RBFOX1: variants seen among roughly 807,000 people sequenced by gnomAD.
The protein encoded by RBFOX1 is RNA binding fox-1 homolog 1.
Under a neutral mutation model 57.7 loss-of-function variants are expected in RBFOX1, and 8 were observed. That is an observed-to-expected ratio of 0.14 (90% CI 0.08 to 0.25). RBFOX1 has a LOEUF of 0.25. Among genes scored for constraint, RBFOX1 ranks in the 10% least tolerant of loss-of-function variants. RBFOX1 has a pLI of 1.00. For synonymous variants in RBFOX1, 326 were observed against 222.4 expected, an observed-to-expected ratio of 1.47 and a Z score of -4.15; for missense variants, 611 against 548.5, an observed-to-expected ratio of 1.11 and a Z score of -1.14.
intron 2 of RBFOX1, among the ~76,000 whole-genome samples, chr16:6,613,427 G>A (rs970518599): frequency 6.6e-6 from 1 of 152,104 alleles, no homozygotes; most frequent in African/African-American, 2.4e-5. Flanking sequence ...ACGGTGTGGT[G>A]TTTAGTACGT....
intron 4 of RBFOX1, among the ~76,000 whole-genome samples, chr16:7,181,559 C>T (rs945407369): frequency 3.3e-5 from 5 of 151,688 alleles, no homozygotes; most frequent in African/African-American, 1.2e-4. Context: ...TCTCATCTCT[C>T]TTTCTCTCTT....
intron 3 of RBFOX1, among the ~76,000 whole-genome samples, chr16:6,815,664 G>C (rs1336912017): frequency 1.3e-5 from 2 of 152,050 alleles, no homozygotes; most frequent in Non-Finnish European, 2.9e-5. Flanking sequence ...CGCCTTACCA[G>C]GGCCAGGATT....
chr16:6,803,511 A>G (rs553215703), intron 3 of RBFOX1, among the ~76,000 whole-genome samples: 4 of 152,338 alleles, frequency 2.6e-5, no homozygotes, highest in Admixed American at 6.5e-5. Context: ...TCTGTGTATA[A>G]TCTAGATTTC....
At chr16:5,523,869 C>T (rs987703678) in intron 2 of RBFOX1, among the ~76,000 whole-genome samples, 1 of 152,164 alleles carries the variant, frequency 6.6e-6, no homozygotes, top group Non-Finnish European at 1.5e-5. Flanking sequence ...CTTGGGGCAG[C>T]ATGGAGGGGC....
intron 3 of RBFOX1, chr16:6,874,087 A>G (rs553582554): frequency 2.0e-5 from 3 of 152,344 alleles, no homozygotes; most frequent in African/African-American, 7.2e-5. Flanking sequence ...TTGCACATGC[A>G]TGTTTATAGC....
Position 7,161,785 on chromosome 16 carries a change from A to G in RBFOX1, c.27+109687A>G, listed in dbSNP as rs368671997. On this transcript the variant is annotated intron_variant, in intron 4 of 15. Transcript: ENST00000550418. ...ATACAAACCAACATTTATAGAGGTG[A>G]TTTCAGCACAAGCACTGGATGTTTA... Among the ~76,000 whole-genome samples the G allele has an allele frequency of 1.8e-4, 27 of 152,326 alleles. No homozygotes were observed. The East Asian group carries it at 1.9e-3, about 11-fold the overall frequency.
At chr16:5,272,209 G>A (rs2063028654) in intron 1 of RBFOX1, among the ~76,000 whole-genome samples, 1 of 152,026 alleles carries the variant, frequency 6.6e-6, no homozygotes, top group African/African-American at 2.4e-5. Context: ...TAACTAAGAG[G>A]GTACATTTCA....
intron 2 of RBFOX1, chr16:6,573,760 C>G (rs2097379315): frequency 6.6e-6 from 1 of 152,224 alleles, no homozygotes; most frequent in South Asian, 2.1e-4. Flanking sequence ...TGCGGGAGAG[C>G]TGGGAGCCTG....
chr16:6,173,206 G>A lies in RBFOX1; in HGVS notation c.-126-143789G>A, dbSNP rs543575000. ...CACAGGTTCCCAGGATTACAGCGGC[G>A]TGGACACTTCTGAGGGGTGGGGTAG... is the stretch of plus-strand genomic sequence containing the variant. On this transcript the variant is annotated intron_variant, in intron 1 of 15. Coordinates refer to ENST00000550418, the MANE Select transcript of RBFOX1 (RefSeq NM_018723.4). Among the ~76,000 whole-genome samples the A allele has an allele frequency of 7.9e-5, 12 of 152,208 alleles. No individual in the cohort carries two copies. In the East Asian group the frequency reaches 1.2e-3, roughly 15 times the overall value.
At chr16:7,274,319 A>G (rs1404997025) in intron 4 of RBFOX1, among the ~76,000 whole-genome samples, 4 of 152,142 alleles carry the variant, frequency 2.6e-5, no homozygotes, top group Non-Finnish European at 5.9e-5. Flanking sequence ...TGTTATCCCC[A>G]TTTTATTCTT....
intron 1 of RBFOX1, among the ~76,000 whole-genome samples, chr16:5,298,120 G>A (rs1295257100): frequency 6.6e-6 from 1 of 152,132 alleles, no homozygotes; most frequent in East Asian, 1.9e-4. Flanking sequence ...TTGAACAAAA[G>A]GCAGCCACAC....
chr16:7,169,371 T>G (rs2080221574), intron 4 of RBFOX1, among the ~76,000 whole-genome samples: 1 of 152,218 alleles, frequency 6.6e-6, no homozygotes, highest in South Asian at 2.1e-4. Context: ...GTCAGATAAT[T>G]ACTTGTTATG....
intron 1 of RBFOX1, among the ~76,000 whole-genome samples, chr16:5,466,050 C>T (rs1246132365): frequency 6.6e-6 from 1 of 152,084 alleles, no homozygotes; most frequent in African/African-American, 2.4e-5. Flanking sequence ...TTCATGGGGA[C>T]CCTGAAAGGT....
chr16:7,504,021 C>T (rs1163299878), intron 4 of RBFOX1, among the ~76,000 whole-genome samples: 1 of 152,084 alleles, frequency 6.6e-6, no homozygotes, highest in East Asian at 1.9e-4. Flanking sequence ...TCACCTTCTA[C>T]ATTTTTTGAA....
chr16:5,716,716 A>T (rs2051714168), intron 3 of RBFOX1, among the ~76,000 whole-genome samples: 2 of 152,344 alleles, frequency 1.3e-5, no homozygotes, highest in African/African-American at 2.4e-5. Flanking sequence ...CAGTGAGCAT[A>T]GGTGTCCATG....
chr16:6,295,676 C>A (rs2078018977), intron 1 of RBFOX1, among the ~76,000 whole-genome samples: 1 of 152,156 alleles, frequency 6.6e-6, no homozygotes, highest in African/African-American at 2.4e-5. Flanking sequence ...TGGAATGAAG[C>A]TGGTGATCCA....
chr16:6,805,205 G>A (rs1603627009), intron 3 of RBFOX1, among the ~76,000 whole-genome samples: 2 of 152,308 alleles, frequency 1.3e-5, no homozygotes, highest in Middle Eastern at 3.4e-3. Context: ...GGAATACTAT[G>A]CAGCCATAAA....
Position 5,882,501 on chromosome 16 carries a change from G to A in RBFOX1, c.351+15166G>A, listed in dbSNP as rs141377625. Among the ~76,000 whole-genome samples, 1,298 of 152,284 alleles carry A rather than the reference G, an allele frequency of 8.5e-3. 10 individuals are homozygous for A. Among genetic ancestry groups the A allele is most frequent in the Non-Finnish European group, 0.012 (825 of 68,036 alleles). On this transcript the variant is annotated intron_variant, in intron 4 of 19. Coordinates refer to the RBFOX1 transcript ENST00000641259. ...AATGTAGTCCAGCTGTGAACCCAAG[G>A]GGAAGAAACAAATTTTGATGAACTC...
At chr16:6,058,561 A>G (rs1194694472) in intron 1 of RBFOX1, among the ~76,000 whole-genome samples, 4 of 152,048 alleles carry the variant, frequency 2.6e-5, no homozygotes, top group Non-Finnish European at 4.4e-5. Flanking sequence ...TCATCCATGC[A>G]TCCACCATCC....
Sources: allele counts gnomAD v4.1 joint callset (sites outside exome capture counted in the v4.1 genomes callset), GRCh38; gene constraint gnomAD v4.1.1; transcripts MANE v1.5; gene names NCBI Gene and HGNC (gene_info 2026-07-23, HGNC 2026-07-21).